Variants in ACCSL observed in about 807,000 individuals in gnomAD.
The protein encoded by ACCSL is 1-aminocyclopropane-1-carboxylate synthase homolog (inactive) like.
ACCSL carries 55 observed loss-of-function variants against 61.7 expected under a neutral mutation model. The observed-to-expected ratio is 0.89, with a 90% CI of 0.72 to 1.12. ACCSL has a LOEUF of 1.12. Among genes scored for constraint, ACCSL ranks in the 50% most tolerant of loss-of-function variants. ACCSL has a pLI of 0.00. For synonymous variants in ACCSL, 258 were observed against 264.3 expected, an observed-to-expected ratio of 0.98 and a Z score of 0.23; for missense variants, 632 against 698.0, an observed-to-expected ratio of 0.91 and a Z score of 1.07.
chr11:43,964,817 C>T, the ACCSL span, among the ~76,000 whole-genome samples: 1 of 142,874 alleles, frequency 7.0e-6, no homozygotes, highest in Non-Finnish European at 1.5e-5. Context: ...TAATACACCA[C>T]GTTAAGACAA....
chr11:44,047,949 C>G (rs1269913788), upstream of ACCSL: 4 of 1,490,792 alleles, frequency 2.7e-6, no homozygotes, highest in Admixed American at 8.1e-5. Flanking sequence ...CCTGAGGGTC[C>G]AGGAGATCCT....
chr11:44,055,243 CTG>C lies in ACCSL; in HGVS notation c.1095_1096del (p.Phe366Ter). On this transcript the variant is annotated frameshift_variant, in exon 9 of 14. Coordinates refer to ENST00000378832, the MANE Select transcript of ACCSL (RefSeq NM_001031854.2). LOFTEE classifies it high-confidence loss of function. ...ATCATAGATGAGATTTACATGCTGTCTGTGTTTGATGAATCCATCACATTCCA... is the reference window on the plus strand; with the variant it reads ...ATCATAGATGAGATTTACATGCTGTCTGTTTGATGAATCCATCACATTCCA... The C allele has an allele frequency of 1.2e-6, 2 of 1,612,948 alleles. No individual in the cohort carries two copies. The highest frequency in any genetic ancestry group is 2.2e-5 in the South Asian group (2 of 90,916).
the ACCSL span, among the ~76,000 whole-genome samples, chr11:44,030,735 G>A: frequency 2.0e-5 from 3 of 151,974 alleles, no homozygotes; most frequent in Non-Finnish European, 4.4e-5. Context: ...TGGAGTTTGG[G>A]TTTAAAAAAA....
In ACCSL at chr11:44,048,469, T is replaced by C. The variant is rs1296876072; in HGVS notation, c.433T>C (p.Phe145Leu). The change falls in exon 1 of 14, where the codon TTT becomes CTT. Residue 145 changes from phenylalanine to leucine, a missense_variant. Coordinates refer to ENST00000378832, the MANE Select transcript of ACCSL (RefSeq NM_001031854.2). ...LSIRGIDISV[F>L]YQSSFQDYNA... ...CATCCGTGGGATTGACATCTCTGTC[T>C]TTTATCAGTCGAGCTTCCAGGACTA... 1 of 1,611,888 alleles carries C rather than the reference T, an allele frequency of 6.2e-7. No homozygotes were observed. The highest frequency in any genetic ancestry group is 1.1e-5 in the South Asian group (1 of 91,032).
the ACCSL span, among the ~76,000 whole-genome samples, chr11:43,982,629 GCCGAGT>G: frequency 6.6e-6 from 1 of 152,266 alleles, no homozygotes; most frequent in African/African-American, 2.4e-5. Context: ...TGAGCACGTG[GCCGAGT>G]CCCTGGCACT....
the ACCSL span, among the ~76,000 whole-genome samples, chr11:43,934,316 C>G: frequency 6.6e-6 from 1 of 152,094 alleles, no homozygotes; most frequent in Admixed American, 6.6e-5. Flanking sequence ...GTGGAGGGCC[C>G]CCTGGGGGTG....
At chr11:43,996,167 C>T in the ACCSL span, among the ~76,000 whole-genome samples, 5 of 152,202 alleles carry the variant, frequency 3.3e-5, no homozygotes, top group African/African-American at 1.2e-4. Context: ...TCTGCTGACA[C>T]CTTGATCTCA....
the ACCSL span, among the ~76,000 whole-genome samples, chr11:43,930,981 C>T: frequency 5.3e-4 from 81 of 152,316 alleles, 1 homozygote; most frequent in East Asian, 0.014. Flanking sequence ...TGATGAGCCA[C>T]ACTCCGTGGT....
At chr11:43,943,884 G>T in the ACCSL span, 2 of 1,227,364 alleles carry the variant, frequency 1.6e-6, no homozygotes, top group Non-Finnish European at 2.1e-6. This position sits in a 1 kb window ranked among gnomAD's most constrained non-coding sequence, Gnocchi z 4.8. Context: ...GCACAGTGCA[G>T]TTTTCCAGGC....
At chr11:44,004,776 G>A in the ACCSL span, among the ~76,000 whole-genome samples, 1 of 152,186 alleles carries the variant, frequency 6.6e-6, no homozygotes, top group Non-Finnish European at 1.5e-5. Context: ...CTGGGAGCTG[G>A]TTGGAAATGC....
At chr11:44,041,933 T>C in the ACCSL span, among the ~76,000 whole-genome samples, 4 of 152,218 alleles carry the variant, frequency 2.6e-5, no homozygotes, top group Admixed American at 6.5e-5. Flanking sequence ...CTTTTTAGCA[T>C]CTATAGATAT....
chr11:44,046,321 C>T (rs1293636273), upstream of ACCSL, among the ~76,000 whole-genome samples: 1 of 152,206 alleles, frequency 6.6e-6, no homozygotes, highest in Non-Finnish European at 1.5e-5. Context: ...CAGCTTTGTT[C>T]TGTGGCTTTC....
the ACCSL span, among the ~76,000 whole-genome samples, chr11:43,926,207 C>T: frequency 6.6e-6 from 1 of 152,070 alleles, no homozygotes; most frequent in Admixed American, 6.5e-5. Context: ...GAAGAGAGCT[C>T]CCAGATGCCA....
chr11:43,971,693 T>C, the ACCSL span, among the ~76,000 whole-genome samples: 2 of 152,340 alleles, frequency 1.3e-5, no homozygotes, highest in South Asian at 2.1e-4. Flanking sequence ...ACACAGATGA[T>C]GGAGTACTAG....
intron 11 of ACCSL, 99 bp from the exon 12 acceptor site, chr11:44,058,218 C>T (rs1952683415): frequency 7.3e-7 from 1 of 1,371,176 alleles, no homozygotes; most frequent in Non-Finnish European, 1.0e-6. Context: ...AACAAACAAA[C>T]AAACTTGCAT....
At chr11:43,922,747 C>T in the ACCSL span, among the ~76,000 whole-genome samples, 3 of 152,124 alleles carry the variant, frequency 2.0e-5, no homozygotes, top group African/African-American at 7.2e-5. Flanking sequence ...TCACCTCATT[C>T]TTACCTGTGA....
chr11:43,995,099 C>G, the ACCSL span: 1 of 152,358 alleles, frequency 6.6e-6, no homozygotes, highest in South Asian at 2.1e-4. Flanking sequence ...TGATATAACA[C>G]TCTTCCTAGG....
the ACCSL span, among the ~76,000 whole-genome samples, chr11:43,930,517 TAA>T: frequency 6.6e-6 from 1 of 152,164 alleles, no homozygotes; most frequent in South Asian, 2.1e-4. Context: ...ACTGGTTAAT[TAA>T]AACAGCCAGG....
At chr11:43,959,940 A>C in the ACCSL span, among the ~76,000 whole-genome samples, 166 of 152,094 alleles carry the variant, frequency 1.1e-3, 3 homozygotes, top group African/African-American at 3.8e-3. Flanking sequence ...CTGAGCCCCA[A>C]CCCACAGGAG....
Sources: allele counts gnomAD v4.1 joint callset (sites outside exome capture counted in the v4.1 genomes callset), GRCh38; gene constraint gnomAD v4.1.1; non-coding constraint Gnocchi (gnomAD v3.1); transcripts MANE v1.5; gene names NCBI Gene and HGNC (gene_info 2026-07-23, HGNC 2026-07-21).